The following DIP2C variants were observed in gnomAD, a reference collection of about 807,000 sequenced individuals.
DIP2C encodes DIP2 acetate--CoA ligase C (putative).
DIP2C carries 33 observed loss-of-function variants against 192.4 expected under a neutral mutation model. The observed-to-expected ratio is 0.17, with a 90% CI of 0.13 to 0.23. DIP2C has a LOEUF of 0.23. Among genes scored for constraint, DIP2C ranks in the 10% least tolerant of loss-of-function variants. DIP2C has a pLI of 1.00. For missense variants in DIP2C, 1,537 were observed against 2,110.1 expected (o/e 0.73, Z 5.32); for synonymous variants, 979 against 864.1 (o/e 1.13, Z -2.33).
At chr10:542,458 C>A (rs1295990651) in intron 1 of DIP2C, among the ~76,000 whole-genome samples, 4 of 152,200 alleles carry the variant, frequency 2.6e-5, no homozygotes, top group Non-Finnish European at 4.4e-5. Context: ...GCAGGACCCA[C>A]CAGCAGGACT....
chr10:483,796 T>A (rs1458867315), intron 2 of DIP2C, among the ~76,000 whole-genome samples: 2 of 151,990 alleles, frequency 1.3e-5, no homozygotes, highest in African/African-American at 2.4e-5. Flanking sequence ...AATAATAAAG[T>A]TTGCCTCTAT....
At chr10:339,299 G>A (rs535973950) in intron 29 of DIP2C, among the ~76,000 whole-genome samples, 1 of 152,142 alleles carries the variant, frequency 6.6e-6, no homozygotes, top group Admixed American at 6.5e-5. Context: ...CTTTTTTAAT[G>A]GGAAGATTCA....
At chr10:537,663 GA>G (rs1847767332) in intron 1 of DIP2C, among the ~76,000 whole-genome samples, 3 of 152,148 alleles carry the variant, frequency 2.0e-5, no homozygotes, top group Admixed American at 2.0e-4. Flanking sequence ...ATGACAACAG[GA>G]GAGGGATGAG....
intron 1 of DIP2C, among the ~76,000 whole-genome samples, chr10:569,487 C>G (rs1206950439): frequency 1.3e-5 from 2 of 152,160 alleles, no homozygotes; most frequent in African/African-American, 4.8e-5. Flanking sequence ...AGAAAATGAA[C>G]TAGCTCAAAC....
At chr10:533,310 T>C (rs1266490010) in intron 1 of DIP2C, among the ~76,000 whole-genome samples, 3 of 152,064 alleles carry the variant, frequency 2.0e-5, no homozygotes, top group East Asian at 1.9e-4. Context: ...TTCCAGAACA[T>C]CTAGCTGCCG....
intron 17 of DIP2C, among the ~76,000 whole-genome samples, chr10:377,297 G>A (rs1961735073): frequency 6.6e-6 from 1 of 152,232 alleles, no homozygotes; most frequent in Non-Finnish European, 1.5e-5. Context: ...CTGGAACTGG[G>A]GGGGACCCCG....
At chr10:407,687 G>C (rs1192247671) in intron 9 of DIP2C, among the ~76,000 whole-genome samples, 3 of 152,126 alleles carry the variant, frequency 2.0e-5, no homozygotes, top group African/African-American at 7.2e-5. Context: ...AGGATGCTGA[G>C]CATCTTTTCA....
At chr10:618,879 G>A (rs1477102821) in intron 1 of DIP2C, among the ~76,000 whole-genome samples, 3 of 152,208 alleles carry the variant, frequency 2.0e-5, no homozygotes, top group Non-Finnish European at 2.9e-5. Flanking sequence ...AGGTATGCCT[G>A]GCTTCTCCCT....
intron 1 of DIP2C, among the ~76,000 whole-genome samples, chr10:596,124 G>A (rs1040426558): frequency 3.3e-5 from 5 of 152,146 alleles, no homozygotes; most frequent in Non-Finnish European, 7.3e-5. Context: ...ATTCACGCGA[G>A]AAGTGCTATG....
intron 1 of DIP2C, among the ~76,000 whole-genome samples, chr10:629,221 G>A (rs917434465): frequency 6.6e-6 from 1 of 152,164 alleles, no homozygotes; most frequent in Non-Finnish European, 1.5e-5. Context: ...CTACCTGGGG[G>A]TCATCCTATT....
intron 1 of DIP2C, among the ~76,000 whole-genome samples, chr10:549,504 G>A (rs184550513): frequency 3.3e-5 from 5 of 152,266 alleles, no homozygotes; most frequent in Non-Finnish European, 4.4e-5. Flanking sequence ...CCAAAACCAC[G>A]CAGAAGTGAC....
At chr10:290,026 A>T (rs1176736245) in intron 32 of DIP2C, among the ~76,000 whole-genome samples, 1 of 152,204 alleles carries the variant, frequency 6.6e-6, no homozygotes, top group East Asian at 1.9e-4. Flanking sequence ...CGTGCCGGGG[A>T]GGATCCTCTG....
At chr10:436,269 T>G (rs1564709780) in intron 4 of DIP2C, among the ~76,000 whole-genome samples, 1 of 152,228 alleles carries the variant, frequency 6.6e-6, no homozygotes, top group Non-Finnish European at 1.5e-5. Context: ...TTGCACATTG[T>G]GGGTAACGTG....
intron 1 of DIP2C, among the ~76,000 whole-genome samples, chr10:576,298 C>T (rs1157863376): frequency 2.6e-5 from 4 of 152,166 alleles, no homozygotes; most frequent in South Asian, 4.1e-4. Context: ...CGCCACAGAC[C>T]ACATCACACT....
chr10:532,740 A>AGAGAGAGTATGGGTGTGT (rs1554893014), intron 1 of DIP2C, among the ~76,000 whole-genome samples: 6,464 of 71,706 alleles, frequency 0.09, 750 homozygotes, highest in Middle Eastern at 0.13. Context: ...TATGGGTGTG[A>AGAGAGAGTATGGGTGTGT]GAGAGAGTAT....
At chr10:480,492 C>G (rs948502757) in intron 2 of DIP2C, among the ~76,000 whole-genome samples, 5 of 151,824 alleles carry the variant, frequency 3.3e-5, no homozygotes, top group Admixed American at 6.6e-5. Context: ...TCTACCAGCC[C>G]GAGCTCCAGT....
intron 1 of DIP2C, among the ~76,000 whole-genome samples, chr10:567,985 C>T (rs536057935): frequency 8.1e-4 from 123 of 152,300 alleles, no homozygotes; most frequent in African/African-American, 2.7e-3. Flanking sequence ...AGGACATCCA[C>T]GTCCCACCGA....
chr10:640,656 AGAGGGTGCGCGCGGGGAT>A (rs1303493060), intron 1 of DIP2C, among the ~76,000 whole-genome samples: 4,653 of 148,886 alleles, frequency 0.031, 258 homozygotes, highest in African/African-American at 0.11. Flanking sequence ...CGCGCGGGGA[AGAGGGTGCGCGCGGGGAT>A]GAGGGTGCGC....
chr10:420,326 C>T (rs1966096489), intron 5 of DIP2C, among the ~76,000 whole-genome samples: 1 of 152,256 alleles, frequency 6.6e-6, no homozygotes, highest in Admixed American at 6.5e-5. Context: ...TGCCTGGACA[C>T]GGCGTCGGCC....
Sources: gnomAD v4.1 joint callset for allele counts (sites outside exome capture counted in the v4.1 genomes callset) on GRCh38, gnomAD v4.1.1 for gene constraint, MANE v1.5 for transcripts, NCBI Gene and HGNC (gene_info 2026-07-23, HGNC 2026-07-21) for gene names.